ABHD5: variants seen among roughly 807,000 people sequenced by gnomAD.
The protein encoded by ABHD5 is 1-acylglycerol-3-phosphate O-acyltransferase ABHD5.
A neutral mutation model predicts 44.9 loss-of-function variants in ABHD5; 30 were observed. The observed-to-expected ratio is 0.67, with a 90% CI of 0.50 to 0.91. ABHD5 has a LOEUF of 0.91. Ranked by LOEUF, ABHD5 falls within the 40% of genes least tolerant of loss-of-function variation. ABHD5 has a pLI of 0.00. For missense variants in ABHD5, 399 were observed against 423.4 expected, an observed-to-expected ratio of 0.94 and a Z score of 0.50; for synonymous variants, 167 against 147.0, an observed-to-expected ratio of 1.14 and a Z score of -0.99.
chr3:43,710,323 G>T (rs1413155658), intron 3 of ABHD5, among the ~76,000 whole-genome samples: 1 of 152,136 alleles, frequency 6.6e-6, no homozygotes, highest in Non-Finnish European at 1.5e-5. Flanking sequence ...GTTGATAAAG[G>T]TTAAGTTTTA....
At chr3:43,707,521 G>A (rs2084635875) in intron 3 of ABHD5, 2 of 152,026 alleles carry the variant, frequency 1.3e-5, no homozygotes, top group African/African-American at 2.4e-5. Context: ...AAATACCTGG[G>A]GCCAACTTCA....
intron 5 of ABHD5, 130 bp from the exon 6 acceptor site, chr3:43,717,541 T>C (rs2084781810): frequency 2.2e-6 from 2 of 924,552 alleles, no homozygotes; most frequent in Non-Finnish European, 3.4e-6. Flanking sequence ...ATAAATTATT[T>C]TCTATTTAAG....
chr3:43,725,859 TG>T (rs1209608148), downstream of ABHD5, among the ~76,000 whole-genome samples: 139 of 150,646 alleles, frequency 9.2e-4, 1 homozygote, highest in African/African-American at 3.3e-3. Flanking sequence ...TTTTTTTTTT[TG>T]TTTTTTTGTT....
intron 1 of ABHD5, among the ~76,000 whole-genome samples, chr3:43,693,139 A>C (rs952066860): frequency 5.3e-5 from 8 of 152,172 alleles, no homozygotes; most frequent in Admixed American, 3.9e-4. Flanking sequence ...TTTAGTGTCA[A>C]TTGAGTTGAG....
At chr3:43,715,837 C>CT (rs1294809781) in intron 5 of ABHD5, among the ~76,000 whole-genome samples, 5 of 152,330 alleles carry the variant, frequency 3.3e-5, no homozygotes, top group Non-Finnish European at 5.9e-5. Context: ...AGAACCTTTA[C>CT]TATACCGAAG....
chr3:43,728,076 C>G (rs2149612049), intron 7 of ABHD5, among the ~76,000 whole-genome samples: 1 of 152,256 alleles, frequency 6.6e-6, no homozygotes, highest in Non-Finnish European at 1.5e-5. Context: ...TTGCTCTGCC[C>G]ACCAGTGGCT....
In ABHD5 at chr3:43,722,434, A is replaced by ACAACC. The variant is rs2084847428; in HGVS notation, c.*3902_*3903insCAACC. On this transcript the variant is annotated 3_prime_UTR_variant, in exon 7 of 7. Coordinates refer to ENST00000644371, the MANE Select transcript of ABHD5 (RefSeq NM_016006.6). ...CAATAGAAGAATTAGTTATACCAATAACTAATAAAATGATCTCCTTGTTAG... is the reference window on the plus strand; with the variant it reads ...CAATAGAAGAATTAGTTATACCAATACAACCACTAATAAAATGATCTCCTTGTTAG... The ACAACC allele has an allele frequency of 6.6e-6, 1 of 152,214 alleles. No individual in the cohort carries two copies. Among genetic ancestry groups the ACAACC allele is most frequent in the South Asian group, 2.1e-4 (1 of 4,832 alleles). The allele number at this position is 152,214 out of a possible 1,614,324, so 9.4% of individuals were successfully genotyped here.
chr3:43,711,801 C>T lies in ABHD5; in HGVS notation c.599C>T (p.Ala200Val). ...QDRPIPVWIR[A>V]LGAALTPFNP... ...AGACCAATTCCAGTTTGGATCAGAG[C>T]CTTGGGAGCAGCATTGACTCCCTTT... The change falls in exon 4 of 7, where the codon GCC (alanine) becomes GTC (valine). Residue 200 changes from alanine (A) to valine (V), a missense_variant. Physicochemically the swap from Ala to Val is moderately conservative, Grantham distance 64 (BLOSUM62 0). Coordinates refer to ENST00000644371, the MANE Select transcript of ABHD5 (RefSeq NM_016006.6). The T allele has an allele frequency of 1.2e-6, 2 of 1,614,156 alleles. No homozygotes were observed.
intron 3 of ABHD5, among the ~76,000 whole-genome samples, chr3:43,703,036 C>A (rs775383792): frequency 6.6e-6 from 1 of 152,060 alleles, no homozygotes; most frequent in Non-Finnish European, 1.5e-5. Context: ...CTTTAGTTTT[C>A]TTTTACCTAA....
chr3:43,715,190 C>T (rs912132629), intron 5 of ABHD5, 132 bp downstream of exon 5: 37 of 663,046 alleles, frequency 5.6e-5, no homozygotes, highest in Non-Finnish European at 8.5e-5. Context: ...TACGGGGTTT[C>T]GCTCTTGTCA....
chr3:43,724,349 C>A (rs921704333), downstream of ABHD5, among the ~76,000 whole-genome samples: 1 of 152,108 alleles, frequency 6.6e-6, no homozygotes. Flanking sequence ...TAGGAACTCT[C>A]ATATACTGTC....
intron 3 of ABHD5, among the ~76,000 whole-genome samples, chr3:43,705,606 C>G (rs960794062): frequency 6.6e-6 from 1 of 152,148 alleles, no homozygotes; most frequent in Non-Finnish European, 1.5e-5. Flanking sequence ...TTTCCCTGTT[C>G]TAATAGACCA....
At chr3:43,729,096 G>C (rs1559424026) in intron 7 of ABHD5, among the ~76,000 whole-genome samples, 2 of 152,198 alleles carry the variant, frequency 1.3e-5, no homozygotes, top group Admixed American at 1.3e-4. Flanking sequence ...AACAGCCTGA[G>C]ACAGAGGTCC....
Position 43,711,824 on chromosome 3 carries a change from T to C in ABHD5, c.622T>C (p.Phe208Leu). Residue 208 changes from phenylalanine (F) to leucine (L), a missense_variant, in exon 4 of 7, where the codon TTT (phenylalanine) becomes CTT (leucine). Phe to Leu is a conservative substitution (Grantham distance 22). Coordinates refer to ENST00000644371, the MANE Select transcript of ABHD5 (RefSeq NM_016006.6). Reference protein sequence around the residue: ...IRALGAALTPFNPLAGLRIAG... With the variant: ...IRALGAALTPLNPLAGLRIAG... Reference sequence around the variant, plus strand: ...AGCCTTGGGAGCAGCATTGACTCCCTTTAACCCTTTAGCTGGCCTAAGGAT... The same window carrying C: ...AGCCTTGGGAGCAGCATTGACTCCCCTTAACCCTTTAGCTGGCCTAAGGAT... 1 of 1,614,240 alleles carries C rather than the reference T, an allele frequency of 6.2e-7. No homozygotes were observed. The highest frequency in any genetic ancestry group is 8.5e-7 in the Non-Finnish European group (1 of 1,180,042).
intron 1 of ABHD5, among the ~76,000 whole-genome samples, chr3:43,695,372 CT>C (rs1474886751): frequency 2.0e-5 from 3 of 151,860 alleles, no homozygotes; most frequent in African/African-American, 7.3e-5. Context: ...AAATCAAAGC[CT>C]CATGGTTTCT....
At chr3:43,694,258 CAA>C (rs80129256) in intron 1 of ABHD5, among the ~76,000 whole-genome samples, 3 of 45,542 alleles carry the variant, frequency 6.6e-5, no homozygotes, top group Admixed American at 2.3e-4. Flanking sequence ...GACTCCGTCT[CAA>C]AAAAAAAAAA....
intron 3 of ABHD5, among the ~76,000 whole-genome samples, chr3:43,705,192 T>C (rs1575602249): frequency 1.3e-5 from 2 of 152,220 alleles, no homozygotes; most frequent in Non-Finnish European, 2.9e-5. Flanking sequence ...TTCTTTTCTC[T>C]GTTCTTCTCT....
chr3:43,711,986 T>C, intron 4 of ABHD5, 123 bp downstream of exon 4: 1 of 1,269,906 alleles, frequency 7.9e-7, no homozygotes, highest in South Asian at 1.2e-5. Context: ...TTTTCTCCTC[T>C]TCCTCTAATA....
rs997446318 is a variant in ABHD5, at chr3:43,718,788, T to G, written c.*256T>G. On this transcript the variant is annotated 3_prime_UTR_variant, in exon 7 of 7. Coordinates refer to ENST00000644371, the MANE Select transcript of ABHD5 (RefSeq NM_016006.6). ...TATAATACCTTTAAATAAAAGGTTA[T>G]TTGTCCCTCTGATGTACTGAAAAAC... is the stretch of plus-strand genomic sequence containing the variant. 4 of 418,102 alleles carry G rather than the reference T, an allele frequency of 9.6e-6. No homozygotes were observed. Among genetic ancestry groups the G allele is most frequent in the Non-Finnish European group, 1.7e-5 (4 of 229,652 alleles). 25.9% of individuals were successfully genotyped at this position (418,102 alleles called of 1,614,324 possible). A position where few individuals can be genotyped will look rare whatever the true frequency, so the allele number is the denominator to read the frequency against.
Sources: gnomAD v4.1 joint callset for allele counts (sites outside exome capture counted in the v4.1 genomes callset) on GRCh38, gnomAD v4.1.1 for gene constraint, MANE v1.5 for transcripts, NCBI Gene and HGNC (gene_info 2026-07-23, HGNC 2026-07-21) for gene names.